OVCH2: variants seen among roughly 807,000 people sequenced by gnomAD.
The protein encoded by OVCH2 is ovochymase-2.
OVCH2 carries 88 observed loss-of-function variants against 73.7 expected under a neutral mutation model. That is an observed-to-expected ratio of 1.19 (90% CI 1.01 to 1.43). The LOEUF (loss-of-function observed/expected upper bound fraction) is 1.43, where lower values mean the gene tolerates loss of function less well. Among genes scored for constraint, OVCH2 ranks in the 40% most tolerant of loss-of-function variants. The pLI, the probability that OVCH2 is intolerant of heterozygous loss-of-function variation, is 0.00. For missense variants in OVCH2, 706 were observed against 674.5 expected, an observed-to-expected ratio of 1.05 and a Z score of -0.52; for synonymous variants, 265 against 234.5, an observed-to-expected ratio of 1.13 and a Z score of -1.19.
rs1422824692 is a variant in OVCH2, at chr11:7,690,003, A to C, written c.1650T>G (p.Asp550Glu). 1 of 1,520,042 alleles carries C rather than the reference A, an allele frequency of 6.6e-7. No individual in the cohort carries two copies. The highest frequency in any genetic ancestry group is 1.2e-5 in the South Asian group (1 of 83,754). 94.2% of individuals were successfully genotyped at this position (1,520,042 alleles called of 1,614,324 possible). The change falls in exon 15 of 16, where the codon GAT becomes GAG. Residue 550 changes from aspartate (D) to glutamate (E), a missense_variant. Physicochemically the swap from Asp to Glu is conservative, Grantham distance 45. Transcript: ENST00000533663. The stretch of plus-strand genomic sequence containing the variant: ...CATCCTCTGATATGGAGATGTTTAA[A>C]TCTGGGTATACTGGGTATAAGTATG... The part of the protein sequence containing the change: ...VSFIPKAVYP[D>E]LNISISEDES...
At chr11:7,698,815 T>C (rs1856382161) in intron 7 of OVCH2, 42 bp from the exon 8 acceptor site, 1 of 1,605,384 alleles carries the variant, frequency 6.2e-7, no homozygotes, top group African/African-American at 1.3e-5. Context: ...GCCTGTGGTA[T>C]CCTGAACAAC....
chr11:7,693,424 A>G (rs1856259366), intron 12 of OVCH2, among the ~76,000 whole-genome samples: 1 of 152,212 alleles, frequency 6.6e-6, no homozygotes, highest in South Asian at 2.1e-4. Flanking sequence ...CCAGTTTCCA[A>G]ATTACTATCT....
chr11:7,699,717 C>T (rs1856400005), intron 7 of OVCH2: 1 of 152,170 alleles, frequency 6.6e-6, no homozygotes, highest in Non-Finnish European at 1.5e-5. Flanking sequence ...CAGGGATTCT[C>T]ATTGTTGGTA....
downstream of OVCH2, among the ~76,000 whole-genome samples, chr11:7,685,739 C>T (rs1298454669): frequency 2.0e-5 from 3 of 152,056 alleles, no homozygotes; most frequent in Non-Finnish European, 4.4e-5. Flanking sequence ...TTCAATGAAG[C>T]TGGGATGCCC....
At chr11:7,698,646 T>C (rs2136158014) in intron 8 of OVCH2, 104 bp downstream of exon 8, 2 of 1,253,754 alleles carry the variant, frequency 1.6e-6, no homozygotes, top group African/African-American at 1.5e-5. Context: ...TTAGACCTAC[T>C]GAGCAGGGAG....
chr11:7,691,947 C>T lies in OVCH2; in HGVS notation c.1462G>A (p.Asp488Asn), dbSNP rs1220080308. Residue 488 changes from aspartate to asparagine, a missense_variant, in exon 13 of 16, where the codon GAC becomes AAC. Coordinates refer to ENST00000533663, the MANE Select transcript of OVCH2 (RefSeq NM_198185.7). ...EIEESGDCTS[D>N]YVTVHSDVER... ...ACATCGCTGTGCACTGTCACATAGT[C>T]GGAAGTGCAGTCTCCACTTTCTTCT... 7 of 1,578,388 alleles carry T rather than the reference C, an allele frequency of 4.4e-6. No homozygotes were observed. The highest frequency in any genetic ancestry group is 3.5e-5 in the South Asian group (3 of 85,858).
intron 14 of OVCH2, 48 bp from the exon 15 acceptor site, chr11:7,690,061 G>A: frequency 7.8e-7 from 1 of 1,288,484 alleles, no homozygotes; most frequent in East Asian, 2.5e-5. Context: ...AAGACAGCCA[G>A]GGTTGGAGAT....
chr11:7,698,938 AG>A, intron 7 of OVCH2, 165 bp from the exon 8 acceptor site: 1 of 642,412 alleles, frequency 1.6e-6, no homozygotes, highest in Non-Finnish European at 2.6e-6. Context: ...AAAGTAGGAA[AG>A]GGCCTCTGGT....
the OVCH2 span, among the ~76,000 whole-genome samples, chr11:7,683,752 A>G: frequency 6.6e-6 from 1 of 152,286 alleles, no homozygotes; most frequent in Non-Finnish European, 1.5e-5. Flanking sequence ...GCTTTCGTAT[A>G]TATCAGGCAT....
intron 4 of OVCH2, 132 bp downstream of exon 4, chr11:7,702,025 G>C (rs1189817459): frequency 4.4e-6 from 4 of 903,864 alleles, no homozygotes; most frequent in East Asian, 2.6e-5. Flanking sequence ...AAGAGTTTCA[G>C]GTAGGACTCT....
In OVCH2 at chr11:7,696,774, T is replaced by A. The variant is rs1297260116; in HGVS notation, c.951A>T (p.Ile317=). The A allele has an allele frequency of 1.2e-6, 2 of 1,610,688 alleles. No homozygotes were observed. The highest frequency in any genetic ancestry group is 1.7e-6 in the Non-Finnish European group (2 of 1,178,460). ...GCAGCTTCCCCTCAGCCCCGCTGAC[T>A]ATGACATCCTGCTCACTGCACCAGG... The part of the protein sequence containing the change: ...SRAWCSEQDV[I]VSGAEGKLHF... Residue 317 remains isoleucine (I), a synonymous_variant, in exon 9 of 16, where the codon ATA becomes ATT. Transcript: ENST00000533663.
At position 7,702,265 on chromosome 11, in the gene OVCH2, C is replaced by T. The variant is rs1028513170; in HGVS notation, c.355G>A (p.Glu119Lys). 3.1e-6 allele frequency: 5 copies of T among 1,612,612 alleles called. No individual in the cohort carries two copies. In the South Asian group the frequency reaches 4.4e-5, roughly 14 times the overall value. Residue 119 changes from glutamate to lysine, a missense_variant, in exon 4 of 16, where the codon GAG (glutamate) becomes AAG (lysine). Glu to Lys is a moderately conservative substitution (Grantham distance 56). Transcript: ENST00000533663. ...ACAGTTTCAATAGTGAGAGTTTGCT[C>T]TCCTGGGTCTGTCTGGCTTAAGTCA... Reference protein sequence around the residue: ...EYDLSQTDPGEQTLTIETVII... With the variant: ...EYDLSQTDPGKQTLTIETVII...
chr11:7,681,365 A>G, the OVCH2 span, among the ~76,000 whole-genome samples: 6 of 152,192 alleles, frequency 3.9e-5, no homozygotes, highest in Non-Finnish European at 7.4e-5. Context: ...ATCTTCAACC[A>G]TTACTTATGC....
downstream of OVCH2, chr11:7,689,414 A>G (rs887756794): frequency 1.0e-5 from 3 of 287,984 alleles, no homozygotes; most frequent in South Asian, 1.0e-4. Flanking sequence ...TAGGGTTGCC[A>G]TGACAAAGTA....
intron 8 of OVCH2, 92 bp downstream of exon 8, chr11:7,698,658 G>A (rs184379352): frequency 2.3e-5 from 31 of 1,367,934 alleles, no homozygotes; most frequent in African/African-American, 2.2e-4. Context: ...AGCAGGGAGC[G>A]CTCTTGGAGA....
In OVCH2 at chr11:7,690,027, T is replaced by C. The variant is rs1383487779; in HGVS notation, c.1640-14A>G. 2 of 1,468,352 alleles carry C rather than the reference T, an allele frequency of 1.4e-6. No homozygotes were observed. Among genetic ancestry groups the C allele is most frequent in the East Asian group, 4.9e-5 (2 of 40,586 alleles). 91.0% of individuals were successfully genotyped at this position (1,468,352 alleles called of 1,614,324 possible). A position where few individuals can be genotyped will look rare whatever the true frequency, so the allele number is the denominator to read the frequency against. ...AATCTGGGTATACTGGGTATAAGTA[T>C]GATACAATTACTCAGTTTCCACAAA... On this transcript the variant is annotated splice_polypyrimidine_tract_variant and intron_variant, in intron 14 of 15. Coordinates refer to ENST00000533663, the MANE Select transcript of OVCH2 (RefSeq NM_198185.7).
At chr11:7,692,467 G>A (rs1167473573) in intron 12 of OVCH2, among the ~76,000 whole-genome samples, 1 of 152,168 alleles carries the variant, frequency 6.6e-6, no homozygotes, top group African/African-American at 2.4e-5. Flanking sequence ...TACCCAGCGG[G>A]ATATAGCTGG....
At chr11:7,696,259 C>T (rs922921331) in intron 10 of OVCH2, among the ~76,000 whole-genome samples, 5 of 152,152 alleles carry the variant, frequency 3.3e-5, no homozygotes, top group Non-Finnish European at 7.4e-5. Context: ...TGATGGGAAG[C>T]AGATTTGGCA....
rs372750453 is a variant in OVCH2, at chr11:7,702,271, G to C, written c.349C>G (p.Pro117Ala). 1.9e-5 allele frequency: 30 copies of C among 1,611,586 alleles called. No individual in the cohort carries two copies. Among genetic ancestry groups the C allele is most frequent in the Non-Finnish European group, 2.5e-5 (30 of 1,179,006 alleles). The change falls in exon 4 of 16, where the codon CCA (proline) becomes GCA (alanine). Residue 117 changes from proline to alanine, a missense_variant. Transcript: ENST00000533663. ...AGEYDLSQTD[P>A]GEQTLTIETV... ...TCAATAGTGAGAGTTTGCTCTCCTG[G>C]GTCTGTCTGGCTTAAGTCATACTCT...
Sources: allele counts gnomAD v4.1 joint callset (sites outside exome capture counted in the v4.1 genomes callset), GRCh38; gene constraint gnomAD v4.1.1; transcripts MANE v1.5; gene names NCBI Gene and HGNC (gene_info 2026-07-23, HGNC 2026-07-21).